Variants in NTMT2 observed in about 807,000 individuals in gnomAD.
The protein encoded by NTMT2 is N-terminal Xaa-Pro-Lys N-methyltransferase 2.
In NTMT2, 21 loss-of-function variants were observed where a neutral mutation model predicts 23.4. That is an observed-to-expected ratio of 0.90 (90% CI 0.64 to 1.29). NTMT2 has a LOEUF of 1.29. NTMT2 is among the 50% of genes most tolerant of loss of function. NTMT2 has a pLI of 0.00. For synonymous variants in NTMT2, 131 were observed against 127.7 expected (o/e 1.03, Z -0.17); for missense variants, 336 against 352.0 (o/e 0.95, Z 0.36).
chr1:170,163,306 A>T (rs1256535889), intron 2 of NTMT2, among the ~76,000 whole-genome samples: 1 of 152,226 alleles, frequency 6.6e-6, no homozygotes, highest in Non-Finnish European at 1.5e-5. Context: ...TCAGGTCAAG[A>T]TACAAAGAGT....
At chr1:170,164,413 A>G (rs1002269670) in intron 2 of NTMT2, among the ~76,000 whole-genome samples, 4 of 152,258 alleles carry the variant, frequency 2.6e-5, no homozygotes, top group African/African-American at 7.2e-5. Context: ...GTCATTTCTA[A>G]TAATGACATA....
Position 170,146,207 on chromosome 1 carries a change from A to G in NTMT2, c.100A>G (p.Ile34Val), listed in dbSNP as rs1281909669. The G allele has an allele frequency of 6.4e-7, 1 of 1,551,112 alleles. No individual in the cohort carries two copies. Among genetic ancestry groups the G allele is most frequent in the Non-Finnish European group, 8.7e-7 (1 of 1,146,946 alleles). ...CATGTCTTTTATCCTTCACAAAGCC[A>G]TTCGCAATGACTTCTTTCAGAGCTA... ...HSMSFILHKA[I>V]RNDFFQSYLY... Residue 34 changes from isoleucine (I) to valine (V), a missense_variant, in exon 1 of 4, where the codon ATT (isoleucine) becomes GTT (valine). Coordinates refer to ENST00000439373, the MANE Select transcript of NTMT2 (RefSeq NM_001136107.2).
chr1:170,158,483 A>G (rs1673207048), intron 1 of NTMT2, among the ~76,000 whole-genome samples: 3 of 151,884 alleles, frequency 2.0e-5, no homozygotes, highest in Admixed American at 6.6e-5. Context: ...TCCTTCTCTA[A>G]ATGACTTTTA....
rs563034975 is a variant in NTMT2, at chr1:170,146,211, G to T, written c.104G>T (p.Arg35Leu). 25 of 1,550,580 alleles carry T rather than the reference G, an allele frequency of 1.6e-5. No homozygotes were observed. The highest frequency in any genetic ancestry group is 4.8e-5 in the South Asian group (4 of 83,976). Reference sequence around the variant, plus strand: ...TCTTTTATCCTTCACAAAGCCATTCGCAATGACTTCTTTCAGAGCTATCTC... The same window carrying T: ...TCTTTTATCCTTCACAAAGCCATTCTCAATGACTTCTTTCAGAGCTATCTC... ...SMSFILHKAI[R>L]NDFFQSYLYL... The change falls in exon 1 of 4, where the codon CGC becomes CTC. Residue 35 changes from arginine to leucine, a missense_variant. Transcript: ENST00000439373.
rs1673424504 is a variant in NTMT2, at chr1:170,167,715, C to A, written c.810C>A (p.Ile270=). 5 of 1,550,966 alleles carry A rather than the reference C, an allele frequency of 3.2e-6. No homozygotes were observed. In the African/African-American group the frequency reaches 4.1e-5, roughly 13 times the overall value. The change falls in exon 4 of 4, where the codon ATC becomes ATA. Residue 270 remains isoleucine (I), a synonymous_variant. Transcript: ENST00000439373. ...AGGATGGCTTCCCAGAGCAGTGCATCCCCGTGTGGATGTTCGCACTGCACA... is the reference window on the plus strand; with the variant it reads ...AGGATGGCTTCCCAGAGCAGTGCATACCCGTGTGGATGTTCGCACTGCACA... ...EKQDGFPEQC[I]PVWMFALHSD...
At chr1:170,159,420 G>GTTTTTTTTTTTTTTTTTTTTTTT (rs1673225599) in intron 1 of NTMT2, among the ~76,000 whole-genome samples, 12 of 88,192 alleles carry the variant, frequency 1.4e-4, no homozygotes, top group Non-Finnish European at 1.9e-4. Flanking sequence ...TTTATGCTCT[G>GTTTTTTTTTTTTTTTTTTTTTTT]GTTTTTTTTT....
intron 2 of NTMT2, among the ~76,000 whole-genome samples, chr1:170,165,477 A>G (rs549735900): frequency 2.1e-4 from 32 of 152,284 alleles, no homozygotes; most frequent in African/African-American, 7.5e-4. Context: ...CCCTTTATCC[A>G]TGTGAACTTG....
chr1:170,148,013 T>C (rs952777448), intron 1 of NTMT2, among the ~76,000 whole-genome samples: 2 of 152,148 alleles, frequency 1.3e-5, no homozygotes, highest in Admixed American at 6.5e-5. Context: ...GGCAAAGTTT[T>C]TGACAAAATA....
intron 1 of NTMT2, among the ~76,000 whole-genome samples, chr1:170,159,175 G>A (rs1323874930): frequency 6.6e-6 from 1 of 152,172 alleles, no homozygotes. Flanking sequence ...GATTTTACCA[G>A]ATTCTGATGA....
chr1:170,148,689 A>G (rs2102229103), intron 1 of NTMT2, among the ~76,000 whole-genome samples: 1 of 152,330 alleles, frequency 6.6e-6, no homozygotes, highest in East Asian at 1.9e-4. Context: ...TTAATAGCTG[A>G]ATACATAAAA....
chr1:170,156,213 T>G (rs1571821114), intron 1 of NTMT2, among the ~76,000 whole-genome samples: 1 of 152,114 alleles, frequency 6.6e-6, no homozygotes, highest in African/African-American at 2.4e-5. Flanking sequence ...CCCAGCGCAT[T>G]TTTTTGTACT....
chr1:170,156,003 C>T (rs1571820932), intron 1 of NTMT2, among the ~76,000 whole-genome samples: 2 of 152,074 alleles, frequency 1.3e-5, no homozygotes, highest in South Asian at 4.1e-4. Context: ...AAGTTGAGAC[C>T]TTAAGCCACA....
chr1:170,151,592 T>C (rs1673069483), intron 1 of NTMT2: 1 of 152,818 alleles, frequency 6.5e-6, no homozygotes, highest in Non-Finnish European at 1.5e-5. Context: ...TGATACATTT[T>C]CAAATGTTTA....
intron 1 of NTMT2, among the ~76,000 whole-genome samples, chr1:170,159,197 T>C (rs1355334513): frequency 1.3e-5 from 2 of 152,148 alleles, no homozygotes; most frequent in Non-Finnish European, 2.9e-5. Flanking sequence ...TGGGAGTAAG[T>C]GACAGTACTT....
At chr1:170,163,307 T>A (rs1673308759) in intron 2 of NTMT2, among the ~76,000 whole-genome samples, 1 of 152,216 alleles carries the variant, frequency 6.6e-6, no homozygotes. Context: ...CAGGTCAAGA[T>A]ACAAAGAGTT....
chr1:170,154,321 T>TC (rs1271744161), intron 1 of NTMT2, among the ~76,000 whole-genome samples: 1 of 151,304 alleles, frequency 6.6e-6, no homozygotes, highest in Non-Finnish European at 1.5e-5. Flanking sequence ...CCACACAGAG[T>TC]CCCCACTGGG....
chr1:170,166,816 G>A, intron 3 of NTMT2, 65 bp downstream of exon 3: 3 of 1,508,180 alleles, frequency 2.0e-6, no homozygotes, highest in Non-Finnish European at 2.7e-6. Flanking sequence ...CAGTCCTTGG[G>A]GCTAATGAGG....
rs11360504 is a variant in NTMT2, at chr1:170,167,971, GAA to G, written c.*222_*223del. 1.3e-5 allele frequency among the ~76,000 whole-genome samples: 2 copies of G among 150,376 alleles called. No individual in the cohort carries two copies. The highest frequency in any genetic ancestry group is 3.0e-5 in the Non-Finnish European group (2 of 67,572). On this transcript the variant is annotated 3_prime_UTR_variant, in exon 4 of 4. Coordinates refer to ENST00000439373, the MANE Select transcript of NTMT2 (RefSeq NM_001136107.2). ...CATGCACAAATTCTGTGGATTTTCTGAAAAAAAAATGGAGTGAAATATCAGGA... is the reference window on the plus strand; with the variant it reads ...CATGCACAAATTCTGTGGATTTTCTGAAAAAAATGGAGTGAAATATCAGGA...
chr1:170,160,916 A>G (rs555879160), intron 2 of NTMT2, among the ~76,000 whole-genome samples: 60 of 152,244 alleles, frequency 3.9e-4, no homozygotes, highest in Non-Finnish European at 8.4e-4. Flanking sequence ...TCACTGTCCT[A>G]TCACCAACTA....
Sources: gnomAD v4.1 joint callset for allele counts (sites outside exome capture counted in the v4.1 genomes callset) on GRCh38, gnomAD v4.1.1 for gene constraint, MANE v1.5 for transcripts, NCBI Gene and HGNC (gene_info 2026-07-23, HGNC 2026-07-21) for gene names.